PRKCE: variants seen among roughly 807,000 people sequenced by gnomAD.
PRKCE encodes protein kinase C epsilon, also known as protein kinase C epsilon type.
Under a neutral mutation model 85.4 loss-of-function variants are expected in PRKCE, and 16 were observed. The ratio of observed to expected loss-of-function variants is 0.19; its 90% confidence interval spans 0.13 to 0.28. PRKCE has a LOEUF of 0.28. Ranked by LOEUF, PRKCE falls within the 10% of genes least tolerant of loss-of-function variation. The probability of loss-of-function intolerance (pLI) is 1.00; values close to 1 mark genes in which losing one functional copy is unlikely to be tolerated. For synonymous variants in PRKCE, 388 were observed against 371.5 expected (o/e 1.04, Z -0.51); for missense variants, 573 against 975.2 (o/e 0.59, Z 5.49).
chr2:46,088,699 A>G (rs1403056882), intron 11 of PRKCE, among the ~76,000 whole-genome samples: 1 of 152,192 alleles, frequency 6.6e-6, no homozygotes, highest in Non-Finnish European at 1.5e-5. Context: ...GGAGTTGGAT[A>G]CAATGCACGT....
intron 6 of PRKCE, among the ~76,000 whole-genome samples, chr2:45,991,645 A>C (rs952262240): frequency 3.3e-5 from 5 of 152,242 alleles, no homozygotes; most frequent in African/African-American, 1.2e-4. Context: ...ATGCTGTCAC[A>C]GACATCCTCA....
At chr2:45,781,643 GC>G (rs1329057471) in intron 1 of PRKCE, among the ~76,000 whole-genome samples, 11 of 151,598 alleles carry the variant, frequency 7.3e-5, no homozygotes, top group Non-Finnish European at 1.6e-4. Context: ...ACCCGCGCCC[GC>G]CCCCCGGCCC....
chr2:46,006,454 A>G (rs192081046), intron 8 of PRKCE, among the ~76,000 whole-genome samples: 1 of 150,604 alleles, frequency 6.6e-6, no homozygotes, highest in Admixed American at 6.8e-5. Context: ...TCTAGGAAAG[A>G]TCTCCGGATT....
chr2:45,813,806 G>A (rs186911532), intron 1 of PRKCE, among the ~76,000 whole-genome samples: 15 of 152,280 alleles, frequency 9.9e-5, no homozygotes, highest in Admixed American at 2.0e-4. Context: ...GTCAGGAATC[G>A]TTGAGCTGAT....
intron 2 of PRKCE, among the ~76,000 whole-genome samples, chr2:45,860,014 T>C (rs902770105): frequency 1.3e-5 from 2 of 152,250 alleles, no homozygotes; most frequent in African/African-American, 4.8e-5. Context: ...AAATCTTTTT[T>C]GTTACTGGAG....
chr2:46,129,664 C>A (rs1347458736), intron 11 of PRKCE, among the ~76,000 whole-genome samples: 1 of 152,222 alleles, frequency 6.6e-6, no homozygotes, highest in Non-Finnish European at 1.5e-5. Flanking sequence ...CTCATTCTTC[C>A]ATCGGGCACT....
chr2:45,720,846 C>T (rs1282102800), intron 1 of PRKCE, among the ~76,000 whole-genome samples: 5 of 152,124 alleles, frequency 3.3e-5, no homozygotes, highest in Admixed American at 2.0e-4. Flanking sequence ...CAGTGGCTCA[C>T]ACCTGTAATC....
intron 1 of PRKCE, among the ~76,000 whole-genome samples, chr2:45,819,684 CTG>C (rs1386326097): frequency 6.6e-6 from 1 of 152,154 alleles, no homozygotes; most frequent in Non-Finnish European, 1.5e-5. Flanking sequence ...CTGGATGACA[CTG>C]TATAGCAAGC....
chr2:45,783,674 GT>G (rs1437747954), intron 1 of PRKCE, among the ~76,000 whole-genome samples: 17 of 152,206 alleles, frequency 1.1e-4, no homozygotes, highest in African/African-American at 4.1e-4. Flanking sequence ...CAAGAACTCA[GT>G]TTTTCTTGGT....
In PRKCE at chr2:45,830,072, CAAAAAAAAAAAAA is replaced by C. The variant is rs34553119; in HGVS notation, c.349-12915_349-12903del. On this transcript the variant is annotated intron_variant, in intron 1 of 14. Transcript: ENST00000306156. ...TGGGCGACAGAGCGAGACTCCGTCT[CAAAAAAAAAAAAA>C]AAAAAAAAAAAATTGGAAGGCTCTT... Among the ~76,000 whole-genome samples the C allele has an allele frequency of 1.2e-4, 13 of 108,890 alleles. No homozygotes were observed. In the Admixed American group the frequency reaches 1.3e-3, roughly 11 times the overall value. 71.4% of individuals were successfully genotyped at this position (108,890 alleles called of 152,430 possible). A position where few individuals can be genotyped will look rare whatever the true frequency, so the allele number is the denominator to read the frequency against.
intron 14 of PRKCE, among the ~76,000 whole-genome samples, chr2:46,172,336 C>T (rs1678992093): frequency 6.6e-6 from 1 of 152,244 alleles, no homozygotes; most frequent in Non-Finnish European, 1.5e-5. Context: ...CATCTGGGGC[C>T]AGTGTGCACT....
chr2:46,174,557 A>C (rs1679236873), intron 14 of PRKCE, among the ~76,000 whole-genome samples: 1 of 152,192 alleles, frequency 6.6e-6, no homozygotes, highest in African/African-American at 2.4e-5. Flanking sequence ...TCAGCTGGTG[A>C]GGCATGCAGC....
chr2:46,032,589 C>T (rs1235298363), intron 10 of PRKCE, among the ~76,000 whole-genome samples: 1 of 152,112 alleles, frequency 6.6e-6, no homozygotes, highest in African/African-American at 2.4e-5. Context: ...TCCAAAAGTT[C>T]CAGGATGACT....
chr2:45,679,633 G>A (rs565550711), intron 1 of PRKCE, among the ~76,000 whole-genome samples: 34 of 152,334 alleles, frequency 2.2e-4, no homozygotes, highest in African/African-American at 7.2e-4. Context: ...GAATGATGGG[G>A]TGGATCGGGA....
intron 1 of PRKCE, among the ~76,000 whole-genome samples, chr2:45,795,629 A>G (rs1687378990): frequency 6.6e-6 from 1 of 152,126 alleles, no homozygotes; most frequent in Admixed American, 6.6e-5. Context: ...TTAATTGCCC[A>G]GTCTATTCTG....
At chr2:45,886,950 G>A (rs1386884819) in intron 2 of PRKCE, among the ~76,000 whole-genome samples, 1 of 152,074 alleles carries the variant, frequency 6.6e-6, no homozygotes, top group Non-Finnish European at 1.5e-5. Context: ...TCCTATCTTT[G>A]TGTGAGGTGG....
chr2:45,974,792 G>A (rs1269038173), intron 2 of PRKCE, among the ~76,000 whole-genome samples: 1 of 152,142 alleles, frequency 6.6e-6, no homozygotes, highest in East Asian at 1.9e-4. Flanking sequence ...GAGATGTCAG[G>A]CACTCGCTGA....
intron 1 of PRKCE, among the ~76,000 whole-genome samples, chr2:45,733,088 T>G (rs1172433648): frequency 1.3e-5 from 2 of 152,166 alleles, no homozygotes; most frequent in African/African-American, 2.4e-5. Flanking sequence ...GTGACTGAGA[T>G]TTGGCCCTGG....
intron 1 of PRKCE, among the ~76,000 whole-genome samples, chr2:45,716,541 AAAAG>A (rs1407171989): frequency 1.4e-5 from 2 of 143,074 alleles, no homozygotes; most frequent in African/African-American, 2.5e-5. Flanking sequence ...GAAAGAAAGA[AAAAG>A]AAAGAAAGGA....
Sources: allele counts gnomAD v4.1 joint callset (sites outside exome capture counted in the v4.1 genomes callset), GRCh38; gene constraint gnomAD v4.1.1; transcripts MANE v1.5; gene names NCBI Gene and HGNC (gene_info 2026-07-23, HGNC 2026-07-21).